ZNF736: variants seen among roughly 807,000 people sequenced by gnomAD.
The protein encoded by ZNF736 is zinc finger protein 736.
ZNF736 carries 6 observed loss-of-function variants against 11.7 expected under a neutral mutation model. The observed-to-expected ratio is 0.51, with a 90% CI of 0.28 to 1.01. ZNF736 has a LOEUF of 1.01. Among genes scored for constraint, ZNF736 ranks in the 50% least tolerant of loss-of-function variants. The pLI is 0.09. For missense variants in ZNF736, 444 were observed against 496.0 expected (o/e 0.90, Z 1.00); for synonymous variants, 139 against 164.7 (o/e 0.84, Z 1.19).
At chr7:64,340,637 C>T (rs1261848764) in intron 3 of ZNF736, among the ~76,000 whole-genome samples, 13 of 152,094 alleles carry the variant, frequency 8.5e-5, no homozygotes, top group Non-Finnish European at 7.4e-5. Flanking sequence ...AAACTCCCGG[C>T]CTAAAATGAT....
At chr7:64,318,518 T>C (rs1484451593) in intron 1 of ZNF736, among the ~76,000 whole-genome samples, 1 of 152,092 alleles carries the variant, frequency 6.6e-6, no homozygotes, top group Non-Finnish European at 1.5e-5. Context: ...CTTCCTATTA[T>C]CCATTTTTAT....
At position 64,352,668 on chromosome 7, in the gene ZNF736, C is replaced by G. The variant is rs533156045; in HGVS notation, c.*3521C>G. On this transcript the variant is annotated 3_prime_UTR_variant, in exon 4 of 4. Transcript: ENST00000423484. ...TACTTTCCAGTGAGAAGGAATGAAA[C>G]GGGGGACCTGCTTTAACAGGCAGTC... The G allele has an allele frequency of 6.6e-6, 1 of 152,248 alleles. No individual in the cohort carries two copies. The allele number at this position is 152,248 out of a possible 1,614,324, so 9.4% of individuals were successfully genotyped here.
At chr7:64,314,312 A>G (rs1456545733) in intron 1 of ZNF736, among the ~76,000 whole-genome samples, 159 bp downstream of exon 1, 2 of 152,072 alleles carry the variant, frequency 1.3e-5, no homozygotes, top group African/African-American at 4.8e-5. Flanking sequence ...CCTCCATCGC[A>G]GATTAGGGGC....
chr7:64,337,755 G>GTTTTTTTTTTTTT (rs147991832), intron 3 of ZNF736, among the ~76,000 whole-genome samples: 7 of 86,250 alleles, frequency 8.1e-5, no homozygotes, highest in Non-Finnish European at 1.4e-4. Context: ...TGTTTTTTTT[G>GTTTTTTTTTTTTT]GTTTTTTTTT....
At chr7:64,327,376 C>T (rs1474369251) in intron 1 of ZNF736, among the ~76,000 whole-genome samples, 1 of 152,016 alleles carries the variant, frequency 6.6e-6, no homozygotes, top group Non-Finnish European at 1.5e-5. Context: ...ATATCTTTTT[C>T]TATCCCTTTA....
rs1284655921 is a variant in ZNF736, at chr7:64,350,067, TG to T, written c.*924del. 9 of 150,392 alleles carry T rather than the reference TG, an allele frequency of 6.0e-5. No homozygotes were observed. The allele number at this position is 150,392 out of a possible 1,614,324, so 9.3% of individuals were successfully genotyped here. A position where few individuals can be genotyped will look rare whatever the true frequency, so the allele number is the denominator to read the frequency against. ...ATGACCTTCTCCTGGGGTATCTTAC[TG>T]GGGTTCTCCACATTTCCTGCATTTG... On this transcript the variant is annotated 3_prime_UTR_variant, in exon 4 of 4. Coordinates refer to ENST00000423484, the MANE Select transcript of ZNF736 (RefSeq NM_001170905.3).
In ZNF736 at chr7:64,348,237, G is replaced by A. The variant is rs1384671966; in HGVS notation, c.374G>A (p.Gly125Glu). ...KDYQSVGNCKGQKSSYNGLHQ... is the reference protein window; with the variant it reads ...KDYQSVGNCKEQKSSYNGLHQ... ...TACCAAAGTGTGGGTAATTGCAAGG[G>A]GCAGAAAAGCAGTTATAATGGCCTT... The change falls in exon 4 of 4, where the codon GGG (glycine) becomes GAG (glutamate). Residue 125 changes from glycine to glutamate, a missense_variant. Physicochemically the swap from Gly to Glu is moderately conservative, Grantham distance 98. Coordinates refer to ENST00000423484, the MANE Select transcript of ZNF736 (RefSeq NM_001170905.3). The A allele has an allele frequency of 1.9e-6, 3 of 1,551,830 alleles. No individual in the cohort carries two copies. Among genetic ancestry groups the A allele is most frequent in the Non-Finnish European group, 2.6e-6 (3 of 1,146,910 alleles).
At chr7:64,321,846 T>C (rs1376030763) in intron 1 of ZNF736, among the ~76,000 whole-genome samples, 1 of 152,134 alleles carries the variant, frequency 6.6e-6, no homozygotes, top group Non-Finnish European at 1.5e-5. Context: ...TTTAAAGAAT[T>C]TACTTCAGCC....
chr7:64,324,564 C>T (rs1210031630), intron 1 of ZNF736, among the ~76,000 whole-genome samples: 3 of 152,164 alleles, frequency 2.0e-5, no homozygotes, highest in Non-Finnish European at 4.4e-5. Flanking sequence ...ATAATGTGCT[C>T]ACAACCCTCT....
chr7:64,321,191 C>T (rs1439689686), intron 1 of ZNF736, among the ~76,000 whole-genome samples: 1 of 152,174 alleles, frequency 6.6e-6, no homozygotes, highest in Non-Finnish European at 1.5e-5. Context: ...TTAAAAGTCT[C>T]TGCAGGTGTT....
At chr7:64,314,293 C>A in intron 1 of ZNF736, 140 bp downstream of exon 1, 4 of 1,093,812 alleles carry the variant, frequency 3.7e-6, no homozygotes, top group Non-Finnish European at 5.2e-6. Flanking sequence ...ACAGCTCAAT[C>A]CTCATTTCCC....
intron 3 of ZNF736, among the ~76,000 whole-genome samples, chr7:64,343,748 A>T (rs1329415236): frequency 6.6e-6 from 1 of 152,156 alleles, no homozygotes; most frequent in Non-Finnish European, 1.5e-5. Context: ...TATGTTTTAC[A>T]GTAGCCTATG....
intron 1 of ZNF736, among the ~76,000 whole-genome samples, chr7:64,327,754 A>G (rs1485812016): frequency 6.6e-6 from 1 of 152,182 alleles, no homozygotes; most frequent in African/African-American, 2.4e-5. Flanking sequence ...ATAACATCTT[A>G]TAACCCATTA....
intron 1 of ZNF736, among the ~76,000 whole-genome samples, chr7:64,318,611 AATTAAACTAACAAT>A (rs1448885910): frequency 1.3e-5 from 2 of 152,162 alleles, no homozygotes; most frequent in African/African-American, 4.8e-5. Context: ...ACTTTTTTAA[AATTAAACTAACAAT>A]ATTAAACTAG....
chr7:64,317,688 C>T (rs764394995), intron 1 of ZNF736, among the ~76,000 whole-genome samples: 21 of 152,148 alleles, frequency 1.4e-4, no homozygotes, highest in Non-Finnish European at 2.5e-4. Flanking sequence ...CTTAGGAAAG[C>T]ATTATAAACA....
intron 1 of ZNF736, among the ~76,000 whole-genome samples, chr7:64,322,004 T>C (rs2115878516): frequency 7.1e-6 from 1 of 141,252 alleles, no homozygotes; most frequent in Admixed American, 7.3e-5. Flanking sequence ...ATAACATTGA[T>C]TAGTGATAAG....
chr7:64,342,217 T>TA (rs1584274993), intron 3 of ZNF736, among the ~76,000 whole-genome samples: 2 of 151,932 alleles, frequency 1.3e-5, no homozygotes, highest in East Asian at 3.9e-4. Flanking sequence ...TAGAGAGGAG[T>TA]AGGGAGATTT....
chr7:64,321,428 T>C lies in ZNF736; in HGVS notation c.3+7275T>C, dbSNP rs541288210. Among the ~76,000 whole-genome samples, 20 of 152,316 alleles carry C rather than the reference T, an allele frequency of 1.3e-4. No homozygotes were observed. In the South Asian group the frequency reaches 4.1e-3, roughly 32 times the overall value. On this transcript the variant is annotated intron_variant, in intron 1 of 3. Transcript: ENST00000423484. ...AAACAGCTGTGTTTTTTAAAGCATGTTACCTAATTTTAGAACAAAAGAAGT... is the reference window on the plus strand; with the variant it reads ...AAACAGCTGTGTTTTTTAAAGCATGCTACCTAATTTTAGAACAAAAGAAGT...
intron 1 of ZNF736, among the ~76,000 whole-genome samples, chr7:64,324,485 G>C (rs1789055358): frequency 6.6e-6 from 1 of 152,136 alleles, no homozygotes; most frequent in South Asian, 2.1e-4. Flanking sequence ...AGTGAGTTAA[G>C]AGGGCAGACT....
Sources: gnomAD v4.1 joint callset for allele counts (sites outside exome capture counted in the v4.1 genomes callset) on GRCh38, gnomAD v4.1.1 for gene constraint, MANE v1.5 for transcripts, NCBI Gene and HGNC (gene_info 2026-07-23, HGNC 2026-07-21) for gene names.